The following ABCF2 variants were observed in gnomAD, a reference collection of about 807,000 sequenced individuals.
ABCF2 encodes the protein ATP binding cassette subfamily F member 2, also known as ATP-binding cassette sub-family F member 2.
ABCF2 carries 37 observed loss-of-function variants against 76.9 expected under a neutral mutation model. The observed-to-expected ratio is 0.48, with a 90% CI of 0.37 to 0.63. The LOEUF is 0.63. Among genes scored for constraint, ABCF2 ranks in the 30% least tolerant of loss-of-function variants. The pLI, the probability that ABCF2 is intolerant of heterozygous loss-of-function variation, is 0.00. For missense variants in ABCF2, 524 were observed against 782.1 expected, an observed-to-expected ratio of 0.67 and a Z score of 3.94; for synonymous variants, 299 against 283.7, an observed-to-expected ratio of 1.05 and a Z score of -0.54.
At position 151,211,730 on chromosome 7, in the gene ABCF2, G is replaced by A; in HGVS notation, c.*2324C>T. Reference sequence around the variant, plus strand: ...CATTATCCCAGCAGCCCACTCTCCAGATGCCATTCTCCCCTGAACCAAGGC... The same window carrying A: ...CATTATCCCAGCAGCCCACTCTCCAAATGCCATTCTCCCCTGAACCAAGGC... On this transcript the variant is annotated 3_prime_UTR_variant, in exon 15 of 15. Coordinates refer to ENST00000287844, the MANE Select transcript of ABCF2 (RefSeq NM_007189.3). 1.0e-6 allele frequency: 1 copy of A among 985,334 alleles called. No homozygotes were observed. Among genetic ancestry groups the A allele is most frequent in the Non-Finnish European group, 1.2e-6 (1 of 829,900 alleles). 61.0% of individuals were successfully genotyped at this position (985,334 alleles called of 1,614,324 possible).
chr7:151,225,677 G>A (rs1802358107), intron 2 of ABCF2, among the ~76,000 whole-genome samples: 1 of 152,190 alleles, frequency 6.6e-6, no homozygotes, highest in Non-Finnish European at 1.5e-5. Flanking sequence ...GGCTGTTTAG[G>A]GAGTTTTCAG....
rs142997707 is a variant in ABCF2, at chr7:151,221,698, C to G, written c.819-18G>C. On this transcript the variant is annotated intron_variant, in intron 6 of 14. Coordinates refer to ENST00000287844, the MANE Select transcript of ABCF2 (RefSeq NM_007189.3). ...GCTTAAAACTGTAAAGCCAAAGAAC[C>G]AATTAGTGAAGAGCTCAACCATGGG... The G allele has an allele frequency of 7.8e-4, 1,218 of 1,563,956 alleles. 7 individuals are homozygous for G. The African/African-American group carries it at 0.014, about 18-fold the overall frequency.
chr7:151,215,963 G>A lies in ABCF2; in HGVS notation c.1401+4C>T. ...TTCCCCGGATCCCAACCCCAGGCCT[G>A]TACCTGATGGTAACGCCCTATCTTG... On this transcript the variant is annotated splice_donor_region_variant and intron_variant, in intron 12 of 14. Coordinates refer to ENST00000287844, the MANE Select transcript of ABCF2 (RefSeq NM_007189.3). The surrounding 1 kb of genome is among the most constrained non-coding windows in gnomAD (Gnocchi z 4.6). The A allele has an allele frequency of 1.9e-6, 3 of 1,614,092 alleles. No individual in the cohort carries two copies. The highest frequency in any genetic ancestry group is 2.5e-6 in the Non-Finnish European group (3 of 1,179,926).
chr7:151,220,891 G>A (rs1802253319), intron 7 of ABCF2, among the ~76,000 whole-genome samples: 1 of 152,242 alleles, frequency 6.6e-6, no homozygotes, highest in South Asian at 2.1e-4. Flanking sequence ...AGAAGGCTGA[G>A]GTACAAGAAT....
rs529825225 is a variant in ABCF2 at position 151,213,988 on chromosome 7, C to T, written c.*66G>A. On this transcript the variant is annotated 3_prime_UTR_variant, in exon 15 of 15. Coordinates refer to ENST00000287844, the MANE Select transcript of ABCF2 (RefSeq NM_007189.3). ...TGTAGCCCCAGGGTCCTGTCCTGAG[C>T]GGCTGGTCAGGTTAGCAGCTGTTAG... 1.4e-5 allele frequency: 23 copies of T among 1,594,786 alleles called. No homozygotes were observed. The highest frequency in any genetic ancestry group is 4.6e-4 in the Middle Eastern group (2 of 4,372).
chr7:151,223,736 G>T lies in ABCF2; in HGVS notation c.664C>A (p.Gln222Lys). The T allele has an allele frequency of 1.9e-6, 3 of 1,612,966 alleles. No individual in the cohort carries two copies. The highest frequency in any genetic ancestry group is 1.3e-5 in the African/African-American group (1 of 75,032). The change falls in exon 5 of 15, where the codon CAG becomes AAG. Residue 222 changes from glutamine to lysine, a missense_variant. Coordinates refer to ENST00000287844, the MANE Select transcript of ABCF2 (RefSeq NM_007189.3). ...CTGAAGTCTTTTAGCTTCTTGCGCT[G>T]CATGGCAGGTGTGAAACCCAGTCCA... ...LHGLGFTPAMQRKKLKDFSGG... is the reference protein window; with the variant it reads ...LHGLGFTPAMKRKKLKDFSGG...
Position 151,214,244 on chromosome 7 carries a change from G to T in ABCF2, c.1735-53C>A. 1.2e-6 allele frequency: 2 copies of T among 1,613,606 alleles called. No individual in the cohort carries two copies. Among genetic ancestry groups the T allele is most frequent in the Non-Finnish European group, 1.7e-6 (2 of 1,179,802 alleles). ...TGGGCTAGTCACTGTCCCTGCCTCT[G>T]CCCAGCAGACTGTCCTGAGGGGCGT... On this transcript the variant is annotated intron_variant, in intron 14 of 14. Coordinates refer to ENST00000287844, the MANE Select transcript of ABCF2 (RefSeq NM_007189.3). This position sits in a 1 kb window ranked among gnomAD's most constrained non-coding sequence, Gnocchi z 4.9.
chr7:151,213,867 G>A lies in ABCF2; in HGVS notation c.*187C>T. 1 of 1,423,302 alleles carries A rather than the reference G, an allele frequency of 7.0e-7. No homozygotes were observed. Among genetic ancestry groups the A allele is most frequent in the Non-Finnish European group, 9.1e-7 (1 of 1,095,372 alleles). The allele number at this position is 1,423,302 out of a possible 1,614,324, so 88.2% of individuals were successfully genotyped here. A position where few individuals can be genotyped will look rare whatever the true frequency, so the allele number is the denominator to read the frequency against. ...GTAACTGGAAGGAGGACAGGAAACA[G>A]ACAGGTACTGTCCAGCTGTAGGTAA... On this transcript the variant is annotated 3_prime_UTR_variant, in exon 15 of 15. Coordinates refer to ENST00000287844, the MANE Select transcript of ABCF2 (RefSeq NM_007189.3).
Position 151,211,826 on chromosome 7 carries a change from G to A in ABCF2, c.*2228C>T. ...CCCACTTAAGGCATAAAGCAGTCAAGCCAGTACCCTCTGGGGTCAGAGGAC... is the reference window on the plus strand; with the variant it reads ...CCCACTTAAGGCATAAAGCAGTCAAACCAGTACCCTCTGGGGTCAGAGGAC... On this transcript the variant is annotated 3_prime_UTR_variant, in exon 15 of 15. Transcript: ENST00000287844. The A allele has an allele frequency of 1.0e-6, 1 of 985,402 alleles. No individual in the cohort carries two copies. Among genetic ancestry groups the A allele is most frequent in the Non-Finnish European group, 1.2e-6 (1 of 829,920 alleles). 61.0% of individuals were successfully genotyped at this position (985,402 alleles called of 1,614,324 possible).
Position 151,215,826 on chromosome 7 carries a change from G to T in ABCF2, c.1402-94C>A. The T allele has an allele frequency of 1.3e-6, 2 of 1,596,526 alleles. No individual in the cohort carries two copies. Among genetic ancestry groups the T allele is most frequent in the South Asian group, 1.1e-5 (1 of 89,774 alleles). On this transcript the variant is annotated intron_variant, in intron 12 of 14. Coordinates refer to ENST00000287844, the MANE Select transcript of ABCF2 (RefSeq NM_007189.3). This position sits in a 1 kb window ranked among gnomAD's most constrained non-coding sequence, Gnocchi z 4.6. ...CTTCCTATTTCTATCCCAGGCACCT[G>T]TTCTGGGTTCAAGAAGCAGGTAGGA...
At position 151,215,547 on chromosome 7, in the gene ABCF2, C is replaced by T. The variant is rs1802132943; in HGVS notation, c.1530+57G>A. On this transcript the variant is annotated intron_variant, in intron 13 of 14. Coordinates refer to ENST00000287844, the MANE Select transcript of ABCF2 (RefSeq NM_007189.3). The surrounding 1 kb of genome is among the most constrained non-coding windows in gnomAD (Gnocchi z 4.6). The stretch of plus-strand genomic sequence containing the variant: ...GCTGCCAGGACAGTATCCCCTGACC[C>T]ACCCAGCCACAGTCTGCCAGCTATC... 1 of 1,605,252 alleles carries T rather than the reference C, an allele frequency of 6.2e-7. No individual in the cohort carries two copies.
chr7:151,211,780 C>T lies in ABCF2; in HGVS notation c.*2274G>A, dbSNP rs1213281710. The T allele has an allele frequency of 8.1e-6, 8 of 985,318 alleles. No homozygotes were observed. The highest frequency in any genetic ancestry group is 9.6e-6 in the Non-Finnish European group (8 of 829,944). The allele number at this position is 985,318 out of a possible 1,614,324, so 61.0% of individuals were successfully genotyped here. A position where few individuals can be genotyped will look rare whatever the true frequency, so the allele number is the denominator to read the frequency against. ...CTCTGGACTCTCAGGACAGACTAAC[C>T]TGGGCCATTTTGCTCCAGGCCCCAC... On this transcript the variant is annotated 3_prime_UTR_variant, in exon 15 of 15. Transcript: ENST00000287844.
intron 10 of ABCF2, 27 bp from the exon 11 acceptor site, chr7:151,218,218 A>G: frequency 6.7e-7 from 1 of 1,489,992 alleles, no homozygotes; most frequent in South Asian, 1.1e-5. Flanking sequence ...AGAGATGTGG[A>G]CACAAGGCTA....
chr7:151,215,759 G>C lies in ABCF2; in HGVS notation c.1402-27C>G, dbSNP rs368285240. ...TACAGGAAAAATGGAAGCCACCCGG[G>C]TGTGACTGGCATCCCGCTTCAAAAT... On this transcript the variant is annotated intron_variant, in intron 12 of 14. Transcript: ENST00000287844. This position sits in a 1 kb window ranked among gnomAD's most constrained non-coding sequence, Gnocchi z 4.6. The C allele has an allele frequency of 2.2e-4, 358 of 1,614,098 alleles. No homozygotes were observed. The African/African-American group carries it at 4.1e-3, about 18-fold the overall frequency.
At chr7:151,218,983 C>T in intron 8 of ABCF2, 81 bp downstream of exon 8, 1 of 1,610,596 alleles carries the variant, frequency 6.2e-7, no homozygotes, top group Admixed American at 1.7e-5. Flanking sequence ...TCCATCACTA[C>T]CGCTTCTCGA....
Position 151,213,779 on chromosome 7 carries a change from C to T in ABCF2, c.*275G>A. The T allele has an allele frequency of 8.1e-7, 1 of 1,240,850 alleles. No homozygotes were observed. The highest frequency in any genetic ancestry group is 1.0e-6 in the Non-Finnish European group (1 of 989,436). The allele number at this position is 1,240,850 out of a possible 1,614,324, so 76.9% of individuals were successfully genotyped here. A position where few individuals can be genotyped will look rare whatever the true frequency, so the allele number is the denominator to read the frequency against. On this transcript the variant is annotated 3_prime_UTR_variant, in exon 15 of 15. Coordinates refer to ENST00000287844, the MANE Select transcript of ABCF2 (RefSeq NM_007189.3). The stretch of plus-strand genomic sequence containing the variant: ...CAGGTGCCTCTGACTGCATCACACT[C>T]AGAGTAAGATAACCAGCAAGGGGCT...
chr7:151,223,045 C>T (rs114310416), intron 5 of ABCF2, among the ~76,000 whole-genome samples: 226 of 152,268 alleles, frequency 1.5e-3, no homozygotes, highest in African/African-American at 5.2e-3. Flanking sequence ...GTTCCCAAAC[C>T]AGAAATCTGT....
chr7:151,213,764 T>A lies in ABCF2; in HGVS notation c.*290A>T. 1 of 1,184,998 alleles carries A rather than the reference T, an allele frequency of 8.4e-7. No homozygotes were observed. The highest frequency in any genetic ancestry group is 1.0e-6 in the Non-Finnish European group (1 of 956,150). 73.4% of individuals were successfully genotyped at this position (1,184,998 alleles called of 1,614,324 possible). On this transcript the variant is annotated 3_prime_UTR_variant, in exon 15 of 15. Transcript: ENST00000287844. ...CCCTGGGCTAACCCGCAGGTGCCTC[T>A]GACTGCATCACACTCAGAGTAAGAT...
At position 151,226,393 on chromosome 7, in the gene ABCF2, C is replaced by A. The variant is rs776860887; in HGVS notation, c.66G>T (p.Arg22=). 6.2e-7 allele frequency: 1 copy of A among 1,614,034 alleles called. No individual in the cohort carries two copies. Among genetic ancestry groups the A allele is most frequent in the African/African-American group, 1.3e-5 (1 of 74,894 alleles). ...CATTTTCTTCATGTCCTTTTCTGGGCCGCTGTCGAGCTTTGGCAGCCTCCT... is the reference window on the plus strand; with the variant it reads ...CATTTTCTTCATGTCCTTTTCTGGGACGCTGTCGAGCTTTGGCAGCCTCCT... The part of the protein sequence containing the change: ...KKKEAAKARQ[R]PRKGHEENGD... The change falls in exon 2 of 15, where the codon CGG becomes CGT. Residue 22 remains arginine (R), a synonymous_variant. Transcript: ENST00000287844.
Sources: gnomAD v4.1 joint callset for allele counts (sites outside exome capture counted in the v4.1 genomes callset) on GRCh38, gnomAD v4.1.1 for gene constraint, Gnocchi (gnomAD v3.1) non-coding constraint, MANE v1.5 for transcripts, NCBI Gene and HGNC (gene_info 2026-07-23, HGNC 2026-07-21) for gene names.